MYO1D: variants seen among roughly 807,000 people sequenced by gnomAD.
The protein encoded by MYO1D is myosin ID.
Under a neutral mutation model 122.0 loss-of-function variants are expected in MYO1D, and 83 were observed. The ratio of observed to expected loss-of-function variants is 0.68; its 90% confidence interval spans 0.57 to 0.82. MYO1D has a LOEUF of 0.82. MYO1D is among the 40% of genes least tolerant of loss of function. MYO1D has a pLI of 0.00. For synonymous variants in MYO1D, 464 were observed against 446.9 expected (o/e 1.04, Z -0.48); for missense variants, 1,157 against 1,269.5 (o/e 0.91, Z 1.35).
At chr17:32,864,290 AT>A (rs995036731) in intron 1 of MYO1D, among the ~76,000 whole-genome samples, 1 of 150,968 alleles carries the variant, frequency 6.6e-6, no homozygotes, top group Non-Finnish European at 1.5e-5. Flanking sequence ...CAGATTACAG[AT>A]TTTTTTTTAA....
chr17:32,872,321 G>A (rs1482345278), intron 1 of MYO1D, among the ~76,000 whole-genome samples: 3 of 152,074 alleles, frequency 2.0e-5, no homozygotes, highest in Non-Finnish European at 4.4e-5. Flanking sequence ...CACCCAGGCT[G>A]GAGGGCAATG....
chr17:32,755,397 AT>A, intron 11 of MYO1D, 94 bp downstream of exon 11: 1 of 1,300,062 alleles, frequency 7.7e-7, no homozygotes, highest in Non-Finnish European at 1.1e-6. Flanking sequence ...TAAAGGGGAC[AT>A]TCTTTTATCC....
intron 16 of MYO1D, among the ~76,000 whole-genome samples, chr17:32,691,796 G>C (rs1247658582): frequency 3.3e-5 from 5 of 152,080 alleles, no homozygotes; most frequent in Admixed American, 2.6e-4. Context: ...TGGATTAGAG[G>C]CAAATATAAT....
chr17:32,591,672 A>AAC (rs2052861554), intron 21 of MYO1D, among the ~76,000 whole-genome samples: 1 of 152,112 alleles, frequency 6.6e-6, no homozygotes, highest in South Asian at 2.1e-4. Flanking sequence ...ATCAAAAAAA[A>AAC]AAACAAACCT....
At chr17:32,618,513 A>C (rs1210348104) in intron 20 of MYO1D, among the ~76,000 whole-genome samples, 1 of 152,220 alleles carries the variant, frequency 6.6e-6, no homozygotes, top group African/African-American at 2.4e-5. Flanking sequence ...GAACATTTAC[A>C]ACCCACATAA....
In MYO1D at chr17:32,778,545, G is replaced by A. The variant is rs1303004928; in HGVS notation, c.333C>T (p.Ala111=). The change falls in exon 3 of 22, where the codon GCC becomes GCT. Residue 111 remains alanine, a synonymous_variant. Transcript: ENST00000318217. Reference sequence around the variant, plus strand: ...CAATATACTGCATAATGTACTTACTGGCTTCCGTTTTACCAGCTCCACTTT... The same window carrying A: ...CAATATACTGCATAATGTACTTACTAGCTTCCGTTTTACCAGCTCCACTTT... ...SGESGAGKTE[A]SKYIMQYIAA... is the part of the protein sequence containing the mutation. 1.9e-6 allele frequency: 3 copies of A among 1,613,962 alleles called. No individual in the cohort carries two copies. The highest frequency in any genetic ancestry group is 8.5e-7 in the Non-Finnish European group (1 of 1,179,892).
chr17:32,539,577 T>C (rs1237115803), intron 21 of MYO1D, among the ~76,000 whole-genome samples: 2 of 152,202 alleles, frequency 1.3e-5, no homozygotes, highest in Admixed American at 6.5e-5. Flanking sequence ...ACTCCTTGAC[T>C]TGTGGCTTCA....
chr17:32,764,836 T>C, intron 8 of MYO1D, 42 bp downstream of exon 8: 1 of 1,598,116 alleles, frequency 6.3e-7, no homozygotes, highest in South Asian at 1.1e-5. Context: ...AATTTGCAAC[T>C]GCGATCAACA....
chr17:32,635,911 T>C (rs2088092681), intron 20 of MYO1D, among the ~76,000 whole-genome samples: 1 of 152,172 alleles, frequency 6.6e-6, no homozygotes, highest in Admixed American at 6.5e-5. Context: ...TTTTGAAACA[T>C]GATGTTCCCA....
chr17:32,608,625 T>C (rs1050968701), intron 20 of MYO1D, among the ~76,000 whole-genome samples: 3 of 152,206 alleles, frequency 2.0e-5, no homozygotes, highest in African/African-American at 7.2e-5. Flanking sequence ...AATTACCACA[T>C]GAGCCAGCAA....
rs930017949 is a variant in MYO1D at position 32,866,604 on chromosome 17, G to T, written c.95+10174C>A. Among the ~76,000 whole-genome samples the T allele has an allele frequency of 2.6e-5, 4 of 152,222 alleles. 1 individual carries two copies. The highest frequency in any genetic ancestry group is 4.4e-5 in the Non-Finnish European group (3 of 68,042). ...AGACTGAGCAGATTTACACTAACAT[G>T]CTTGTGCTGCATTAGAAGTATTTGA... On this transcript the variant is annotated intron_variant, in intron 1 of 21. Transcript: ENST00000318217.
At chr17:32,624,668 T>C (rs1296336413) in intron 20 of MYO1D, among the ~76,000 whole-genome samples, 1 of 152,174 alleles carries the variant, frequency 6.6e-6, no homozygotes, top group East Asian at 1.9e-4. Flanking sequence ...GGATTGCAAT[T>C]GAGAGAAACA....
chr17:32,536,154 T>A (rs961153838), intron 21 of MYO1D, among the ~76,000 whole-genome samples: 8 of 152,110 alleles, frequency 5.3e-5, no homozygotes, highest in Non-Finnish European at 4.4e-5. Context: ...TGCCTCAGCC[T>A]CCCGGAGTAG....
chr17:32,858,402 T>C (rs2091044274), intron 1 of MYO1D, among the ~76,000 whole-genome samples: 2 of 152,194 alleles, frequency 1.3e-5, no homozygotes, highest in African/African-American at 2.4e-5. Flanking sequence ...TCACCTTTAG[T>C]TGTTATGTCT....
Position 32,659,234 on chromosome 17 carries a change from C to T in MYO1D, c.2226G>A (p.Glu742=), listed in dbSNP as rs2088520070. 1 of 1,614,234 alleles carries T rather than the reference C, an allele frequency of 6.2e-7. No homozygotes were observed. Among genetic ancestry groups the T allele is most frequent in the Non-Finnish European group, 8.5e-7 (1 of 1,180,040 alleles). Residue 742 remains glutamate (E), a synonymous_variant, in exon 17 of 22, where the codon GAG becomes GAA. Transcript: ENST00000318217. ...TGACGCCATGGAAGCGTCTGGCCAC[C>T]TCGTGGATGTACGACTTCACTTTGT... ...RRYKVKSYIH[E]VARRFHGVKT... is the part of the protein sequence containing the mutation.
At chr17:32,873,698 T>C (rs986406960) in intron 1 of MYO1D, among the ~76,000 whole-genome samples, 7 of 152,228 alleles carry the variant, frequency 4.6e-5, no homozygotes, top group African/African-American at 1.7e-4. Context: ...ACTGTGTTTA[T>C]GGCTACAGGG....
chr17:32,627,356 C>T (rs2087942000), intron 20 of MYO1D, among the ~76,000 whole-genome samples: 2 of 152,152 alleles, frequency 1.3e-5, no homozygotes, highest in South Asian at 4.1e-4. Context: ...GAAACCCCTT[C>T]CTTTGGGACA....
chr17:32,871,163 A>G (rs927522702), intron 1 of MYO1D, among the ~76,000 whole-genome samples: 1 of 152,330 alleles, frequency 6.6e-6, no homozygotes, highest in African/African-American at 2.4e-5. Flanking sequence ...GCTCTCAGCT[A>G]GGGATAATAT....
chr17:32,707,064 T>A (rs1437659163), intron 16 of MYO1D, among the ~76,000 whole-genome samples: 1 of 152,180 alleles, frequency 6.6e-6, no homozygotes, highest in African/African-American at 2.4e-5. Context: ...TTCATTATAT[T>A]GAGAGTGAAA....
Sources: allele counts gnomAD v4.1 joint callset (sites outside exome capture counted in the v4.1 genomes callset), GRCh38; gene constraint gnomAD v4.1.1; transcripts MANE v1.5; gene names NCBI Gene and HGNC (gene_info 2026-07-23, HGNC 2026-07-21).